MARCHF8: variants seen among roughly 807,000 people sequenced by gnomAD.
The protein encoded by MARCHF8 is E3 ubiquitin-protein ligase MARCHF8.
In MARCHF8, 40 loss-of-function variants were observed where a neutral mutation model predicts 51.6. That is an observed-to-expected ratio of 0.77 (90% CI 0.60 to 1.01). The LOEUF (loss-of-function observed/expected upper bound fraction) is 1.01, where lower values mean the gene tolerates loss of function less well. MARCHF8 is among the 50% of genes least tolerant of loss of function. The pLI is 0.00. For synonymous variants in MARCHF8, 263 were observed against 280.3 expected (o/e 0.94, Z 0.62); for missense variants, 685 against 708.6 (o/e 0.97, Z 0.38).
chr10:45,482,108 A>C (rs999558653), intron 3 of MARCHF8, among the ~76,000 whole-genome samples: 14 of 152,194 alleles, frequency 9.2e-5, no homozygotes, highest in Non-Finnish European at 1.9e-4. Flanking sequence ...AATTTAATCA[A>C]AGAGGTGAAA....
intron 1 of MARCHF8, among the ~76,000 whole-genome samples, chr10:45,575,667 G>T (rs935723946): frequency 6.6e-6 from 1 of 152,006 alleles, no homozygotes; most frequent in Non-Finnish European, 1.5e-5. Context: ...CCACTATTTC[G>T]TTTTATTTTT....
intron 1 of MARCHF8, among the ~76,000 whole-genome samples, chr10:45,578,859 A>C (rs1313380009): frequency 6.6e-6 from 1 of 152,238 alleles, no homozygotes; most frequent in Non-Finnish European, 1.5e-5. Context: ...TAAAAAAATA[A>C]CTGATCTGTA....
intron 1 of MARCHF8, among the ~76,000 whole-genome samples, chr10:45,559,954 C>G (rs1474704517): frequency 6.6e-6 from 1 of 152,134 alleles, no homozygotes; most frequent in Non-Finnish European, 1.5e-5. Flanking sequence ...CGGGCCTCGG[C>G]AGTGAGATTT....
intron 1 of MARCHF8, among the ~76,000 whole-genome samples, chr10:45,579,414 T>A (rs2044527753): frequency 7.1e-6 from 1 of 140,774 alleles, no homozygotes; most frequent in African/African-American, 2.6e-5. Context: ...ACCTTTCATA[T>A]ATAAACAAGC....
At position 45,544,133 on chromosome 10, in the gene MARCHF8, A is replaced by G. The variant is rs138299485; in HGVS notation, c.-78-10844T>C. On this transcript the variant is annotated intron_variant, in intron 1 of 6. Coordinates refer to the MARCHF8 transcript ENST00000319836. ...ATAAACTCATGAAAAGATGCTAAAA[A>G]TTAAAACCACAATGATATACCACTA... Among the ~76,000 whole-genome samples the G allele has an allele frequency of 4.4e-3, 670 of 152,304 alleles. 4 individuals carry two copies. Among genetic ancestry groups the G allele is most frequent in the African/African-American group, 0.015 (639 of 41,582 alleles).
In MARCHF8 at chr10:45,463,437, C is replaced by T. The variant is rs1307024469; in HGVS notation, c.802G>A (p.Gly268Ser). ...LLQYLFSLSH[G>S]LSASSLHRFH... The stretch of plus-strand genomic sequence containing the variant: ...CTGTGCAGGCTGCTGGCGCTCAAGC[C>T]GTGCGAGAGTGAGAACAGGTACTGG... Residue 268 changes from glycine (G) to serine (S), a missense_variant, in exon 5 of 8, where the codon GGC becomes AGC. By Grantham distance (56) the Gly-to-Ser change is moderately conservative. Coordinates refer to ENST00000453424, the MANE Select transcript of MARCHF8 (RefSeq NM_001282866.2). 3.9e-6 allele frequency: 6 copies of T among 1,550,640 alleles called. No individual in the cohort carries two copies. The highest frequency in any genetic ancestry group is 2.0e-5 in the Admixed American group (1 of 51,016).
rs1428330554 is a variant in MARCHF8, at chr10:45,552,659, G to T, written c.-78-19370C>A. On this transcript the variant is annotated intron_variant, in intron 1 of 6. Coordinates refer to the MARCHF8 transcript ENST00000319836. Reference sequence around the variant, plus strand: ...TTTCCGAGCATCTTCCAAGTGCCAGGCTCCTACTAGGAACTGGAAAATTTT... The same window carrying T: ...TTTCCGAGCATCTTCCAAGTGCCAGTCTCCTACTAGGAACTGGAAAATTTT... Among the ~76,000 whole-genome samples the T allele has an allele frequency of 4.6e-5, 7 of 152,134 alleles. No homozygotes were observed. In the East Asian group the frequency reaches 1.3e-3, roughly 29 times the overall value.
chr10:45,544,772 C>T (rs576025599), intron 1 of MARCHF8, among the ~76,000 whole-genome samples: 1 of 152,108 alleles, frequency 6.6e-6, no homozygotes, highest in South Asian at 2.1e-4. Flanking sequence ...ATTACAATGA[C>T]ACTGCACTAC....
chr10:45,559,972 G>C (rs1465398092), intron 1 of MARCHF8, among the ~76,000 whole-genome samples: 1 of 152,080 alleles, frequency 6.6e-6, no homozygotes, highest in African/African-American at 2.4e-5. Context: ...TTTGAACACA[G>C]AATCCTTCCT....
Position 45,533,302 on chromosome 10 carries a change from G to A in MARCHF8, c.-78-13C>T, listed in dbSNP as rs767345278. The A allele has an allele frequency of 2.1e-6, 3 of 1,431,840 alleles. No individual in the cohort carries two copies. Among genetic ancestry groups the A allele is most frequent in the Non-Finnish European group, 2.8e-6 (3 of 1,089,974 alleles). 88.7% of individuals were successfully genotyped at this position (1,431,840 alleles called of 1,614,324 possible). A position where few individuals can be genotyped will look rare whatever the true frequency, so the allele number is the denominator to read the frequency against. On this transcript the variant is annotated splice_polypyrimidine_tract_variant and intron_variant, in intron 1 of 7. Coordinates refer to ENST00000453424, the MANE Select transcript of MARCHF8 (RefSeq NM_001282866.2). ...CATGGATTTCAAGCTGAGAGAAAAT[G>A]AAGAGAGAATAAACATAACTCAGCT...
At chr10:45,462,230 G>A (rs1158284251) in intron 5 of MARCHF8, 1 of 152,292 alleles carries the variant, frequency 6.6e-6, no homozygotes, top group Admixed American at 6.5e-5. Context: ...GCACTAAGGA[G>A]CGGAGACTGG....
intron 2 of MARCHF8, among the ~76,000 whole-genome samples, chr10:45,512,944 G>A (rs2133206767): frequency 6.6e-6 from 1 of 151,898 alleles, no homozygotes; most frequent in Non-Finnish European, 1.5e-5. Flanking sequence ...TGTGCTCTCT[G>A]AAACATGTGC....
At chr10:45,584,461 C>T (rs1202733375) in intron 1 of MARCHF8, among the ~76,000 whole-genome samples, 1 of 151,920 alleles carries the variant, frequency 6.6e-6, no homozygotes, top group South Asian at 2.1e-4. Flanking sequence ...CCATGAGATA[C>T]CACTTCTCAG....
chr10:45,464,922 C>T (rs942792851), intron 3 of MARCHF8, among the ~76,000 whole-genome samples: 5 of 152,188 alleles, frequency 3.3e-5, no homozygotes, highest in African/African-American at 1.2e-4. Flanking sequence ...GCACAGAATG[C>T]TCCCAACAGA....
intron 3 of MARCHF8, among the ~76,000 whole-genome samples, chr10:45,474,867 T>C (rs1349056266): frequency 6.6e-6 from 1 of 152,186 alleles, no homozygotes; most frequent in East Asian, 1.9e-4. Context: ...ACTTCTGCAA[T>C]TCCAGCCATG....
At chr10:45,572,183 T>A (rs986167358) in intron 1 of MARCHF8, among the ~76,000 whole-genome samples, 1 of 127,972 alleles carries the variant, frequency 7.8e-6, no homozygotes, top group African/African-American at 3.0e-5. Flanking sequence ...TCTCTCTGTG[T>A]CCCCACCCCT....
intron 3 of MARCHF8, among the ~76,000 whole-genome samples, chr10:45,481,475 TGTGTC>T (rs534353276): frequency 1.1e-3 from 163 of 152,310 alleles, no homozygotes; most frequent in Non-Finnish European, 2.1e-3. Flanking sequence ...ATAATTCCCA[TGTGTC>T]GTGGGAGGGA....
chr10:45,545,565 G>A (rs1252035963), intron 1 of MARCHF8, among the ~76,000 whole-genome samples: 1 of 152,202 alleles, frequency 6.6e-6, no homozygotes, highest in Non-Finnish European at 1.5e-5. Flanking sequence ...ATAGTGGAAT[G>A]TAATCTAAGT....
intron 1 of MARCHF8, among the ~76,000 whole-genome samples, chr10:45,541,650 G>A (rs1254672240): frequency 6.6e-6 from 1 of 151,682 alleles, no homozygotes; most frequent in Non-Finnish European, 1.5e-5. Context: ...GAAAGAAAAT[G>A]TAATAATTTG....
Sources: gnomAD v4.1 joint callset for allele counts (sites outside exome capture counted in the v4.1 genomes callset) on GRCh38, gnomAD v4.1.1 for gene constraint, MANE v1.5 for transcripts, NCBI Gene and HGNC (gene_info 2026-07-23, HGNC 2026-07-21) for gene names.